Variants in GALNT13 observed in about 807,000 individuals in gnomAD.
The protein encoded by GALNT13 is UDP-GalNAc:polypeptide N-acetylgalactosaminyltransferase 13.
A neutral mutation model predicts 64.2 loss-of-function variants in GALNT13; 28 were observed. That is an observed-to-expected ratio of 0.44 (90% CI 0.32 to 0.60). The LOEUF is 0.60. Ranked by LOEUF, GALNT13 falls within the 20% of genes least tolerant of loss-of-function variation. GALNT13 has a pLI of 0.05. For missense variants in GALNT13, 577 were observed against 669.8 expected, an observed-to-expected ratio of 0.86 and a Z score of 1.53; for synonymous variants, 214 against 224.6, an observed-to-expected ratio of 0.95 and a Z score of 0.42.
chr2:154,190,822 T>C (rs1405692651), intron 4 of GALNT13, among the ~76,000 whole-genome samples: 2 of 152,202 alleles, frequency 1.3e-5, no homozygotes, highest in African/African-American at 4.8e-5. Context: ...GAACCTAATT[T>C]TAATAATTTA....
chr2:154,291,703 A>T (rs1370312517), intron 8 of GALNT13, among the ~76,000 whole-genome samples: 1 of 152,178 alleles, frequency 6.6e-6, no homozygotes, highest in Non-Finnish European at 1.5e-5. Flanking sequence ...TGGCCAGACC[A>T]GGGAGCTGGC....
At chr2:153,449,949 A>C in the GALNT13 span, 1 of 152,336 alleles carries the variant, frequency 6.6e-6, no homozygotes, top group African/African-American at 2.4e-5. Flanking sequence ...ACCAAGTTTC[A>C]ATGCCAGAAT....
At chr2:153,455,178 T>A in the GALNT13 span, among the ~76,000 whole-genome samples, 1 of 152,238 alleles carries the variant, frequency 6.6e-6, no homozygotes, top group Non-Finnish European at 1.5e-5. Context: ...TTTAAAAATC[T>A]GTTCTTATAA....
At chr2:153,433,704 C>T in the GALNT13 span, among the ~76,000 whole-genome samples, 17 of 152,128 alleles carry the variant, frequency 1.1e-4, no homozygotes, top group East Asian at 3.8e-4. Flanking sequence ...ATTGAACCAA[C>T]TCTCCATGTA....
chr2:153,737,949 C>T, the GALNT13 span, among the ~76,000 whole-genome samples: 11 of 151,876 alleles, frequency 7.2e-5, no homozygotes, highest in African/African-American at 2.7e-4. Context: ...TATACCAAAC[C>T]ATGTTAATCA....
intron 8 of GALNT13, among the ~76,000 whole-genome samples, chr2:154,290,143 A>G (rs1692516413): frequency 6.6e-6 from 1 of 152,180 alleles, no homozygotes; most frequent in African/African-American, 2.4e-5. Flanking sequence ...GGGGCAAGTC[A>G]GGGAAAAATA....
chr2:153,394,184 A>G, the GALNT13 span, among the ~76,000 whole-genome samples: 4 of 152,132 alleles, frequency 2.6e-5, no homozygotes, highest in Non-Finnish European at 5.9e-5. Context: ...CCTGTAGAGC[A>G]GAACTCCAGC....
Position 154,407,692 on chromosome 2 carries a change from T to C in GALNT13, c.1297-1292T>C, listed in dbSNP as rs1239123888. ...TTTAATGGGTTGCTGCTCAGATTTT[T>C]TTATGAAAACACATATAACTCTGCT... On this transcript the variant is annotated intron_variant, in intron 10 of 12. Transcript: ENST00000392825. 2.0e-5 allele frequency among the ~76,000 whole-genome samples: 3 copies of C among 152,100 alleles called. No homozygotes were observed. In the East Asian group the frequency reaches 5.8e-4, roughly 29 times the overall value.
the GALNT13 span, among the ~76,000 whole-genome samples, chr2:153,270,826 A>G: frequency 1.3e-5 from 2 of 152,150 alleles, no homozygotes; most frequent in African/African-American, 2.4e-5. Flanking sequence ...CACTCAGCCT[A>G]GGTGACAGGG....
chr2:153,068,875 A>G, the GALNT13 span, among the ~76,000 whole-genome samples: 21 of 152,172 alleles, frequency 1.4e-4, no homozygotes, highest in African/African-American at 5.1e-4. Flanking sequence ...TCTCCTCCCC[A>G]ATTGAATAAG....
At chr2:153,496,980 C>T in the GALNT13 span, among the ~76,000 whole-genome samples, 17 of 91,266 alleles carry the variant, frequency 1.9e-4, no homozygotes, top group African/African-American at 6.7e-4. Context: ...GGCGACAGAG[C>T]AAGATTTTGT....
chr2:153,243,284 C>T, the GALNT13 span, among the ~76,000 whole-genome samples: 1 of 152,148 alleles, frequency 6.6e-6, no homozygotes, highest in Admixed American at 6.5e-5. Flanking sequence ...GATCCAGGAT[C>T]CAGGATCCAG....
intron 3 of GALNT13, among the ~76,000 whole-genome samples, chr2:154,077,310 A>G (rs1319865751): frequency 2.6e-5 from 4 of 151,572 alleles, no homozygotes; most frequent in Non-Finnish European, 4.4e-5. Context: ...GCCTGGGAAG[A>G]ACTTTACAGG....
At chr2:153,381,637 G>A in the GALNT13 span, among the ~76,000 whole-genome samples, 2 of 152,024 alleles carry the variant, frequency 1.3e-5, no homozygotes, top group African/African-American at 4.8e-5. Context: ...GGGCAAAGAT[G>A]AGATCAGTAA....
At chr2:153,593,776 A>G in the GALNT13 span, among the ~76,000 whole-genome samples, 1 of 152,192 alleles carries the variant, frequency 6.6e-6, no homozygotes, top group Non-Finnish European at 1.5e-5. Context: ...GTTTACATTA[A>G]AATGTAACAT....
intron 1 of GALNT13, among the ~76,000 whole-genome samples, chr2:153,880,393 A>C (rs1301865481): frequency 6.6e-6 from 1 of 152,158 alleles, no homozygotes; most frequent in Non-Finnish European, 1.5e-5. Context: ...ATTTTATTTT[A>C]GACCGATGTT....
At chr2:153,979,682 C>T (rs936128151) in intron 3 of GALNT13, among the ~76,000 whole-genome samples, 1 of 152,100 alleles carries the variant, frequency 6.6e-6, no homozygotes, top group African/African-American at 2.4e-5. Flanking sequence ...ACATCATATG[C>T]ACAAATAAAA....
chr2:154,238,781 A>T (rs957491880), intron 4 of GALNT13, among the ~76,000 whole-genome samples: 1 of 152,054 alleles, frequency 6.6e-6, no homozygotes, highest in Admixed American at 6.5e-5. Flanking sequence ...ACACATAAAC[A>T]TTGTGAAATG....
chr2:154,155,874 GA>G (rs1281996704), intron 4 of GALNT13, among the ~76,000 whole-genome samples: 1 of 151,370 alleles, frequency 6.6e-6, no homozygotes, highest in Non-Finnish European at 1.5e-5. Flanking sequence ...AGTCCAACTT[GA>G]AATAAATGGA....
Sources: gnomAD v4.1 joint callset for allele counts (sites outside exome capture counted in the v4.1 genomes callset) on GRCh38, gnomAD v4.1.1 for gene constraint, MANE v1.5 for transcripts, NCBI Gene and HGNC (gene_info 2026-07-23, HGNC 2026-07-21) for gene names.